The following AKR1C8 variants were observed in gnomAD, a reference collection of about 807,000 sequenced individuals.
AKR1C8 encodes aldo-keto reductase family 1 member C-like protein 1.
chr10:5,175,923 A>T, the AKR1C8 span, among the ~76,000 whole-genome samples: 12 of 152,112 alleles, frequency 7.9e-5, no homozygotes, highest in Admixed American at 7.9e-4. Flanking sequence ...CCCATTTCGT[A>T]GGTTGCCTGT....
At chr10:5,175,545 C>T in the AKR1C8 span, among the ~76,000 whole-genome samples, 7 of 152,162 alleles carry the variant, frequency 4.6e-5, no homozygotes, top group South Asian at 2.1e-4. Flanking sequence ...CCTGAGGAAT[C>T]GCCACACTGA....
chr10:5,140,283 G>A, the AKR1C8 span, among the ~76,000 whole-genome samples: 12 of 151,868 alleles, frequency 7.9e-5, no homozygotes, highest in African/African-American at 1.2e-4. Context: ...TTGACCCAGC[G>A]ATCCCATTAC....
the AKR1C8 span, among the ~76,000 whole-genome samples, chr10:5,182,452 A>G: frequency 6.6e-6 from 1 of 152,054 alleles, no homozygotes; most frequent in Non-Finnish European, 1.5e-5. Context: ...AGGCTCAAGA[A>G]CCCTATATTC....
At chr10:5,158,507 TTA>T in the AKR1C8 span, 1 of 402,222 alleles carries the variant, frequency 2.5e-6, no homozygotes, top group Non-Finnish European at 5.1e-6. Flanking sequence ...TTGAGCTTTT[TTA>T]TAATACAATT....
the AKR1C8 span, among the ~76,000 whole-genome samples, chr10:5,117,792 G>C: frequency 6.6e-6 from 1 of 152,066 alleles, no homozygotes; most frequent in South Asian, 2.1e-4. Context: ...AAGGTGCCAG[G>C]CTCTTTTTAA....
the AKR1C8 span, among the ~76,000 whole-genome samples, chr10:5,172,140 A>C: frequency 6.6e-6 from 1 of 152,120 alleles, no homozygotes; most frequent in African/African-American, 2.4e-5. Flanking sequence ...CAAACAGGCA[A>C]GTTGTACAGC....
chr10:5,153,155 T>G, the AKR1C8 span, among the ~76,000 whole-genome samples: 1 of 152,188 alleles, frequency 6.6e-6, no homozygotes, highest in African/African-American at 2.4e-5. Context: ...TTTAAAATTT[T>G]TATTTTGTTT....
chr10:5,160,699 T>A, the AKR1C8 span: 3 of 400,644 alleles, frequency 7.5e-6, no homozygotes, highest in Non-Finnish European at 1.5e-5. Context: ...ACAGAGAAGC[T>A]CCACATCTGA....
At chr10:5,168,422 C>A in the AKR1C8 span, among the ~76,000 whole-genome samples, 2 of 152,176 alleles carry the variant, frequency 1.3e-5, no homozygotes, top group South Asian at 4.2e-4. Context: ...CACCCAAACC[C>A]CCGAGTCCAC....
the AKR1C8 span, among the ~76,000 whole-genome samples, chr10:5,128,306 G>C: frequency 2.0e-5 from 3 of 152,088 alleles, no homozygotes; most frequent in Non-Finnish European, 4.4e-5. Flanking sequence ...CCAAAAGACT[G>C]TTATACACCA....
the AKR1C8 span, among the ~76,000 whole-genome samples, chr10:5,170,017 T>C: frequency 1.3e-5 from 2 of 152,088 alleles, no homozygotes; most frequent in African/African-American, 4.8e-5. Context: ...AGTTGATTCC[T>C]GTAACAGGTA....
At chr10:5,165,996 G>A in the AKR1C8 span, among the ~76,000 whole-genome samples, 1 of 152,028 alleles carries the variant, frequency 6.6e-6, no homozygotes, top group Non-Finnish European at 1.5e-5. Context: ...GGGACCCAGA[G>A]GATGAGAGAA....
At chr10:5,138,324 C>T in the AKR1C8 span, among the ~76,000 whole-genome samples, 1 of 152,008 alleles carries the variant, frequency 6.6e-6, no homozygotes, top group Non-Finnish European at 1.5e-5. Context: ...TATTAATATT[C>T]CTTGCTAGGA....
At chr10:5,142,022 A>T in the AKR1C8 span, among the ~76,000 whole-genome samples, 2,673 of 152,142 alleles carry the variant, frequency 0.018, 74 homozygotes, top group African/African-American at 0.061. Context: ...TCGATTGCTT[A>T]TTGTAGTCGC....
At chr10:5,128,281 G>T in the AKR1C8 span, among the ~76,000 whole-genome samples, 4 of 152,132 alleles carry the variant, frequency 2.6e-5, no homozygotes, top group East Asian at 1.9e-4. Context: ...GCTATAAGGA[G>T]TTCTAAATCT....
chr10:5,161,337 G>C, the AKR1C8 span, among the ~76,000 whole-genome samples: 2 of 152,284 alleles, frequency 1.3e-5, no homozygotes, highest in South Asian at 4.1e-4. Flanking sequence ...AAGGACATCA[G>C]AAGTGCTCAG....
chr10:5,155,417 C>T, the AKR1C8 span: 1 of 215,150 alleles, frequency 4.6e-6, no homozygotes, highest in Non-Finnish European at 9.4e-6. Flanking sequence ...AGTGCTAGAC[C>T]CAGGCACAGA....
At chr10:5,157,727 G>C in the AKR1C8 span, 1 of 472,480 alleles carries the variant, frequency 2.1e-6, no homozygotes, top group South Asian at 1.5e-5. Context: ...ACCTGGCCTG[G>C]GCTTCCACTG....
At chr10:5,117,196 C>T in the AKR1C8 span, among the ~76,000 whole-genome samples, 5 of 151,718 alleles carry the variant, frequency 3.3e-5, no homozygotes, top group Non-Finnish European at 7.4e-5. Flanking sequence ...TACAAAATAG[C>T]CACATTTAAT....
Sources: allele counts gnomAD v4.1 joint callset (sites outside exome capture counted in the v4.1 genomes callset), GRCh38; gene constraint gnomAD v4.1.1; transcripts MANE v1.5; gene names NCBI Gene and HGNC (gene_info 2026-07-23, HGNC 2026-07-21).